Variants in CWH43 observed in about 807,000 individuals in gnomAD.
CWH43 encodes the protein cell wall biogenesis 43 C-terminal homolog.
CWH43 carries 91 observed loss-of-function variants against 85.7 expected under a neutral mutation model. The ratio of observed to expected loss-of-function variants is 1.06; its 90% CI spans 0.90 to 1.26. The LOEUF is 1.26. Among genes scored for constraint, CWH43 ranks in the 50% most tolerant of loss-of-function variants. CWH43 has a pLI of 0.00. For missense variants in CWH43, 869 were observed against 839.2 expected (o/e 1.04, Z -0.44); for synonymous variants, 323 against 293.6 (o/e 1.10, Z -1.02).
At chr4:48,989,693 A>C (rs1234039902) in intron 2 of CWH43, among the ~76,000 whole-genome samples, 1 of 152,110 alleles carries the variant, frequency 6.6e-6, no homozygotes, top group Non-Finnish European at 1.5e-5. Flanking sequence ...CACAGTGCTG[A>C]GATTATAGGT....
intron 5 of CWH43, among the ~76,000 whole-genome samples, chr4:48,996,412 G>A (rs951096109): frequency 2.2e-4 from 33 of 152,022 alleles, no homozygotes; most frequent in African/African-American, 7.5e-4. Context: ...TAGACACTAA[G>A]TCCCTTGAGG....
intron 12 of CWH43, among the ~76,000 whole-genome samples, chr4:49,033,868 C>T (rs1336121714): frequency 6.6e-6 from 1 of 152,120 alleles, no homozygotes; most frequent in Non-Finnish European, 1.5e-5. Flanking sequence ...GACATGAGGC[C>T]ACAGAACTTT....
chr4:49,026,288 G>A (rs1218997114), intron 9 of CWH43, among the ~76,000 whole-genome samples: 1 of 152,198 alleles, frequency 6.6e-6, no homozygotes, highest in Admixed American at 6.5e-5. Context: ...CCTCCCAGCT[G>A]AGAAAGCAAG....
At chr4:49,039,900 C>T (rs1347218665) in intron 13 of CWH43, among the ~76,000 whole-genome samples, 1 of 152,010 alleles carries the variant, frequency 6.6e-6, no homozygotes, top group Non-Finnish European at 1.5e-5. Context: ...CCCCCGTCCC[C>T]ACACCCCACA....
chr4:48,989,336 A>G (rs1383095371), intron 2 of CWH43, among the ~76,000 whole-genome samples: 2 of 152,210 alleles, frequency 1.3e-5, no homozygotes, highest in Non-Finnish European at 2.9e-5. Context: ...TGCACTGTGC[A>G]GTAGGGGTGG....
chr4:49,042,801 A>G (rs1300811983), intron 13 of CWH43, among the ~76,000 whole-genome samples: 1 of 152,208 alleles, frequency 6.6e-6, no homozygotes, highest in Admixed American at 6.5e-5. Context: ...GAAAACCTGG[A>G]AAGTGTGTAA....
chr4:49,038,190 T>G lies in CWH43; in HGVS notation c.1803+10T>G. 6.5e-7 allele frequency: 1 copy of G among 1,532,408 alleles called. No individual in the cohort carries two copies. The highest frequency in any genetic ancestry group is 8.8e-7 in the Non-Finnish European group (1 of 1,138,356). 94.9% of individuals were successfully genotyped at this position (1,532,408 alleles called of 1,614,324 possible). ...ACATGGCAATGTGAAGGTAACATAA[T>G]CTTAATAGGATTTCTAATTTATTAA... is the stretch of plus-strand genomic sequence containing the variant. On this transcript the variant is annotated intron_variant, in intron 13 of 15. Coordinates refer to ENST00000226432, the MANE Select transcript of CWH43 (RefSeq NM_025087.3).
intron 8 of CWH43, among the ~76,000 whole-genome samples, chr4:49,013,290 C>T (rs1053657306): frequency 6.6e-6 from 1 of 152,278 alleles, no homozygotes; most frequent in Non-Finnish European, 1.5e-5. Flanking sequence ...GTGAGGTACC[C>T]ACCCAGCCAG....
chr4:49,000,594 G>A lies in CWH43; in HGVS notation c.802+2046G>A, dbSNP rs150087543. ...AAAAGGAAAAAGAAATGCATTGAGC[G>A]TTTGTTCAGCATTTATATCATGCCT... On this transcript the variant is annotated intron_variant, in intron 6 of 15. Transcript: ENST00000226432. 3.2e-4 allele frequency among the ~76,000 whole-genome samples: 49 copies of A among 152,274 alleles called. No homozygotes were observed. The East Asian group carries it at 7.3e-3, about 23-fold the overall frequency.
rs141669674 is a variant in CWH43, at chr4:49,017,001, T to C, written c.1187-248T>C. On this transcript the variant is annotated intron_variant, in intron 8 of 15. Transcript: ENST00000226432. ...AGCAATCTTGGGATCTAGCTTCTGC[T>C]GGGTGAAGTCGATATAGGCAGTTGG... 1.2e-4 allele frequency: 95 copies of C among 776,374 alleles called. No individual in the cohort carries two copies. In the African/African-American group the frequency reaches 1.4e-3, roughly 11 times the overall value. 48.1% of individuals were successfully genotyped at this position (776,374 alleles called of 1,614,324 possible).
chr4:49,030,806 C>CT lies in CWH43; in HGVS notation c.1373-9dup, dbSNP rs397881381. 8,782 of 1,320,402 alleles carry CT rather than the reference C, an allele frequency of 6.7e-3. 6 individuals are homozygous for CT. Among genetic ancestry groups the CT allele is most frequent in the South Asian group, 0.019 (1,329 of 68,160 alleles). The allele number at this position is 1,320,402 out of a possible 1,614,324, so 81.8% of individuals were successfully genotyped here. On this transcript the variant is annotated intron_variant, in intron 10 of 15. Coordinates refer to ENST00000226432, the MANE Select transcript of CWH43 (RefSeq NM_025087.3). The stretch of plus-strand genomic sequence containing the variant: ...TGCTGTGATTCATCACTGTATGCTA[C>CT]TTTTTTTTTTCTGAACAGGTGCAGA...
At chr4:48,999,734 G>A (rs936166413) in intron 6 of CWH43, among the ~76,000 whole-genome samples, 2 of 152,170 alleles carry the variant, frequency 1.3e-5, no homozygotes, top group African/African-American at 4.8e-5. Context: ...TTTCAAAAAT[G>A]CCATTTAGAG....
chr4:49,032,499 C>G (rs750602402), intron 11 of CWH43, 67 bp from the exon 12 acceptor site: 27 of 1,565,876 alleles, frequency 1.7e-5, no homozygotes, highest in Non-Finnish European at 2.3e-5. Context: ...AATGCATTTG[C>G]TTAGTCCCAG....
chr4:48,994,927 A>G, intron 5 of CWH43, 107 bp downstream of exon 5: 1 of 879,596 alleles, frequency 1.1e-6, no homozygotes, highest in Non-Finnish European at 1.9e-6. Context: ...ATTTCATACC[A>G]CTCTCCCTAG....
At chr4:49,042,744 A>G (rs1481776690) in intron 13 of CWH43, among the ~76,000 whole-genome samples, 1 of 152,202 alleles carries the variant, frequency 6.6e-6, no homozygotes, top group East Asian at 1.9e-4. Context: ...GTGAAGGAAG[A>G]GAAGACAGAT....
chr4:48,991,537 C>T lies in CWH43; in HGVS notation c.319C>T (p.Gln107Ter), dbSNP rs1201992070. The change falls in exon 3 of 16, where the codon CAA (glutamine) becomes TAA (stop). Residue 107 changes from glutamine (Q) to a stop codon, truncating the protein, a stop_gained. Coordinates refer to ENST00000226432, the MANE Select transcript of CWH43 (RefSeq NM_025087.3). LOFTEE classifies it high-confidence loss of function. ...TGGGGTGTCTTCCTCACTGATAGTG[C>T]AAGCTGTGACTTGGTGGTCAGGAAG... ...ALGVSSSLIVQAVTWWSGSHL... is the reference protein window; with the variant it reads ...ALGVSSSLIV The T allele has an allele frequency of 6.2e-7, 1 of 1,613,924 alleles. No individual in the cohort carries two copies. The highest frequency in any genetic ancestry group is 1.7e-5 in the Admixed American group (1 of 59,960).
At chr4:49,031,014 A>G (rs1784080015) in intron 11 of CWH43, 54 bp downstream of exon 11, 5 of 1,489,550 alleles carry the variant, frequency 3.4e-6, no homozygotes, top group South Asian at 2.8e-5. Context: ...GCTAGGCTGC[A>G]TAGGCTTGGA....
At chr4:49,060,408 G>C (rs763902323) in intron 15 of CWH43, among the ~76,000 whole-genome samples, 11 of 152,116 alleles carry the variant, frequency 7.2e-5, no homozygotes, top group South Asian at 6.2e-4. Flanking sequence ...GCCTGAATTT[G>C]CTAGGGCCGG....
intron 15 of CWH43, among the ~76,000 whole-genome samples, chr4:49,057,883 C>T (rs772544770): frequency 2.2e-4 from 33 of 152,214 alleles, no homozygotes; most frequent in Admixed American, 2.0e-3. Context: ...TCTCTTCTGA[C>T]AGTTTTTGAC....
Sources: gnomAD v4.1 joint callset for allele counts (sites outside exome capture counted in the v4.1 genomes callset) on GRCh38, gnomAD v4.1.1 for gene constraint, MANE v1.5 for transcripts, NCBI Gene and HGNC (gene_info 2026-07-23, HGNC 2026-07-21) for gene names.